PTPRK: variants seen among roughly 807,000 people sequenced by gnomAD.
The protein encoded by PTPRK is receptor-type tyrosine-protein phosphatase kappa.
Under a neutral mutation model 178.0 loss-of-function variants are expected in PTPRK, and 75 were observed. The ratio of observed to expected loss-of-function variants is 0.42; its 90% CI spans 0.35 to 0.51. The LOEUF (loss-of-function observed/expected upper bound fraction) is 0.51, where lower values mean the gene tolerates loss of function less well. PTPRK is among the 20% of genes least tolerant of loss of function. The probability of loss-of-function intolerance (pLI) is 0.02; values close to 1 mark genes in which losing one functional copy is unlikely to be tolerated. For synonymous variants in PTPRK, 637 were observed against 620.6 expected (o/e 1.03, Z -0.39); for missense variants, 1,441 against 1,797.8 (o/e 0.80, Z 3.59).
At chr6:128,149,216 C>T (rs1369762592) in intron 7 of PTPRK, among the ~76,000 whole-genome samples, 1 of 151,448 alleles carries the variant, frequency 6.6e-6, no homozygotes, top group Non-Finnish European at 1.5e-5. Flanking sequence ...GACCAGTTAA[C>T]AGGTACAGCA....
chr6:128,113,178 A>G (rs1028445528), intron 7 of PTPRK, among the ~76,000 whole-genome samples: 1 of 152,046 alleles, frequency 6.6e-6, no homozygotes, highest in African/African-American at 2.4e-5. Flanking sequence ...GAAAATTCTC[A>G]GTATATTAGT....
intron 1 of PTPRK, among the ~76,000 whole-genome samples, chr6:128,518,247 T>C (rs1230273396): frequency 6.6e-6 from 1 of 152,220 alleles, no homozygotes; most frequent in Non-Finnish European, 1.5e-5. Context: ...TGTTATGCTT[T>C]GTCACTAAAG....
intron 13 of PTPRK, among the ~76,000 whole-genome samples, chr6:128,053,742 C>A (rs1207278517): frequency 6.6e-6 from 1 of 152,198 alleles, no homozygotes; most frequent in African/African-American, 2.4e-5. Context: ...GAGGCTGATA[C>A]TCTGTGAGAC....
intron 3 of PTPRK, among the ~76,000 whole-genome samples, chr6:128,292,632 C>A (rs1823579526): frequency 6.6e-6 from 1 of 152,010 alleles, no homozygotes; most frequent in Non-Finnish European, 1.5e-5. Context: ...TCTGTCATGA[C>A]CTTCCTCCTC....
At chr6:128,511,153 TA>T (rs1421600007) in intron 1 of PTPRK, among the ~76,000 whole-genome samples, 5 of 152,132 alleles carry the variant, frequency 3.3e-5, no homozygotes, top group African/African-American at 1.2e-4. Flanking sequence ...ACTCTCAGAT[TA>T]AAAACAGGTG....
intron 3 of PTPRK, among the ~76,000 whole-genome samples, chr6:128,297,669 G>C (rs968466062): frequency 7.8e-4 from 119 of 152,278 alleles, no homozygotes; most frequent in African/African-American, 2.8e-3. Context: ...GATGTTCTTT[G>C]AAACCAATGA....
intron 5 of PTPRK, among the ~76,000 whole-genome samples, chr6:128,230,096 T>G (rs1485890210): frequency 6.6e-6 from 1 of 152,214 alleles, no homozygotes; most frequent in African/African-American, 2.4e-5. Flanking sequence ...CCTGTTATTA[T>G]ACCAAACACC....
At chr6:128,375,058 C>CATCATCATT (rs374912859) in intron 2 of PTPRK, among the ~76,000 whole-genome samples, 1 of 132,286 alleles carries the variant, frequency 7.6e-6, no homozygotes, top group African/African-American at 2.8e-5. Context: ...AGAAACACTG[C>CATCATCATT]ATTATTATTA....
intron 1 of PTPRK, among the ~76,000 whole-genome samples, chr6:128,471,716 T>C (rs116918547): frequency 0.016 from 2,505 of 151,872 alleles, 28 homozygotes; most frequent in Non-Finnish European, 0.027. Flanking sequence ...AAATACATTC[T>C]TTTTTATTTT....
At chr6:127,970,694 T>C (rs1365697212) in intron 29 of PTPRK, among the ~76,000 whole-genome samples, 1 of 152,074 alleles carries the variant, frequency 6.6e-6, no homozygotes. Flanking sequence ...TTAGTTTGCC[T>C]CAGTTCTTTT....
chr6:128,271,312 T>C (rs554841596), intron 3 of PTPRK, among the ~76,000 whole-genome samples: 2 of 152,244 alleles, frequency 1.3e-5, no homozygotes, highest in East Asian at 3.9e-4. Context: ...TGATTACTAG[T>C]TAAGTGCTTT....
Position 128,152,708 on chromosome 6 carries a change from G to A in PTPRK, c.1162+31724C>T, listed in dbSNP as rs187069258. Among the ~76,000 whole-genome samples the A allele has an allele frequency of 5.9e-5, 9 of 152,040 alleles. No individual in the cohort carries two copies. In the East Asian group the frequency reaches 1.6e-3, roughly 26 times the overall value. Reference sequence around the variant, plus strand: ...TTTGGCTAGTTAAGTCCCCTAAGACGGTGATAAAGTGAAAAGGAATGAGAA... The same window carrying A: ...TTTGGCTAGTTAAGTCCCCTAAGACAGTGATAAAGTGAAAAGGAATGAGAA... On this transcript the variant is annotated intron_variant, in intron 7 of 29. Transcript: ENST00000368226.
At chr6:128,174,724 CT>C (rs1800813341) in intron 7 of PTPRK, among the ~76,000 whole-genome samples, 1 of 151,782 alleles carries the variant, frequency 6.6e-6, no homozygotes, top group Non-Finnish European at 1.5e-5. Context: ...CATTAAATTA[CT>C]TGCACATCAG....
In PTPRK at chr6:128,520,485, G is replaced by A. The variant is rs1217787286; in HGVS notation, c.-127C>T. ...ACGGTGAGAGGACAGCCGCCCGCCC[G>A]CCCTTTTTCCTTCTTCGCGGTCGCC... On this transcript the variant is annotated 5_prime_UTR_variant, in exon 1 of 30. Coordinates refer to ENST00000368226, the MANE Select transcript of PTPRK (RefSeq NM_002844.4). 4.7e-6 allele frequency: 4 copies of A among 847,408 alleles called. No individual in the cohort carries two copies. The East Asian group carries it at 1.1e-4, about 23-fold the overall frequency. 52.5% of individuals were successfully genotyped at this position (847,408 alleles called of 1,614,324 possible).
At chr6:127,970,746 T>C (rs1354248606) in intron 29 of PTPRK, among the ~76,000 whole-genome samples, 1 of 152,086 alleles carries the variant, frequency 6.6e-6, no homozygotes, top group Non-Finnish European at 1.5e-5. Flanking sequence ...AATATAACTA[T>C]GTATATTTCA....
intron 1 of PTPRK, among the ~76,000 whole-genome samples, chr6:128,427,790 C>A (rs978500389): frequency 6.6e-6 from 1 of 152,006 alleles, no homozygotes; most frequent in Non-Finnish European, 1.5e-5. Context: ...GCTAGCAAGA[C>A]AATATAAAAC....
intron 7 of PTPRK, among the ~76,000 whole-genome samples, chr6:128,132,219 G>C (rs974126302): frequency 6.6e-6 from 1 of 152,058 alleles, no homozygotes; most frequent in South Asian, 2.1e-4. Flanking sequence ...CTGTCACCCA[G>C]GCTGGAGTGC....
At chr6:128,211,336 C>T (rs1808123305) in intron 6 of PTPRK, among the ~76,000 whole-genome samples, 1 of 152,006 alleles carries the variant, frequency 6.6e-6, no homozygotes, top group African/African-American at 2.4e-5. Flanking sequence ...ACAATCTATG[C>T]TGAGGAGTGA....
At chr6:128,097,396 A>G (rs974295539) in intron 7 of PTPRK, among the ~76,000 whole-genome samples, 2 of 152,214 alleles carry the variant, frequency 1.3e-5, no homozygotes, top group Admixed American at 6.5e-5. Context: ...AGTTTATCAG[A>G]TAATTTTAAT....
Sources: gnomAD v4.1 joint callset for allele counts (sites outside exome capture counted in the v4.1 genomes callset) on GRCh38, gnomAD v4.1.1 for gene constraint, MANE v1.5 for transcripts, NCBI Gene and HGNC (gene_info 2026-07-23, HGNC 2026-07-21) for gene names.